The following SLC35E1 variants were observed in gnomAD, a reference collection of about 807,000 sequenced individuals.
The protein encoded by SLC35E1 is solute carrier family 35, member E1.
SLC35E1 carries 12 observed loss-of-function variants against 31.0 expected under a neutral mutation model. The observed-to-expected ratio is 0.39, with a 90% CI of 0.25 to 0.63. The LOEUF (loss-of-function observed/expected upper bound fraction) is 0.63. SLC35E1 is among the 20% of genes least tolerant of loss of function. The probability of loss-of-function intolerance (pLI) is 0.52; values close to 1 mark genes in which losing one functional copy is unlikely to be tolerated. For missense variants in SLC35E1, 429 were observed against 572.2 expected (o/e 0.75, Z 2.55); for synonymous variants, 257 against 264.1 (o/e 0.97, Z 0.26).
chr19:16,558,645 T>C (rs2085888756), intron 4 of SLC35E1, among the ~76,000 whole-genome samples: 1 of 152,156 alleles, frequency 6.6e-6, no homozygotes, highest in South Asian at 2.1e-4. Context: ...CCCAGCCATC[T>C]GTCCATTGTC....
chr19:16,570,324 G>C (rs562920245), intron 2 of SLC35E1, among the ~76,000 whole-genome samples: 25 of 152,306 alleles, frequency 1.6e-4, no homozygotes, highest in African/African-American at 5.5e-4. Flanking sequence ...AGGTCTTGCT[G>C]AGACAAAGAC....
chr19:16,566,379 G>A (rs183166318), intron 4 of SLC35E1, 153 bp downstream of exon 4: 16 of 955,822 alleles, frequency 1.7e-5, no homozygotes, highest in African/African-American at 5.0e-5. Context: ...CATCGTCACC[G>A]TGAGGCATTA....
In SLC35E1 at chr19:16,572,119, C is replaced by T. The variant is rs1217730911; in HGVS notation, c.246G>A (p.Val82=). ...GGCCCGAGACGGGCGGCGCGGGGGG[C>T]ACGCGCCAGGCGCGCAGCAGCGGCG... ...GLPPLLRAWR[V]PPAPPVSGPG... is the part of the protein sequence containing the mutation. The change falls in exon 1 of 6, where the codon GTG becomes GTA. Residue 82 remains valine, a synonymous_variant. Transcript: ENST00000595753. The surrounding 1 kb of genome is among the most constrained non-coding windows in gnomAD (Gnocchi z 4.1). 6 of 1,511,548 alleles carry T rather than the reference C, an allele frequency of 4.0e-6. No homozygotes were observed. The highest frequency in any genetic ancestry group is 2.5e-5 in the South Asian group (2 of 80,292). The allele number at this position is 1,511,548 out of a possible 1,614,324, so 93.6% of individuals were successfully genotyped here. A position where few individuals can be genotyped will look rare whatever the true frequency, so the allele number is the denominator to read the frequency against.
At chr19:16,558,917 G>A (rs1005082850) in intron 4 of SLC35E1, among the ~76,000 whole-genome samples, 17 of 151,300 alleles carry the variant, frequency 1.1e-4, no homozygotes, top group African/African-American at 3.2e-4. Context: ...TTACAGGCAC[G>A]TGCCACCACG....
chr19:16,566,494 C>G (rs771743243), intron 4 of SLC35E1, 38 bp downstream of exon 4: 1 of 1,610,600 alleles, frequency 6.2e-7, no homozygotes, highest in Non-Finnish European at 8.5e-7. Flanking sequence ...CTGGAACTAG[C>G]CAAGAAAATG....
At position 16,552,121 on chromosome 19, in the gene SLC35E1, C is replaced by T. The variant is rs894616215; in HGVS notation, c.*1558G>A. ...AGTGTTCGCTCCTCGTCCCCTTACC[C>T]AGAACATGATTCAGATCCTAACATA... On this transcript the variant is annotated 3_prime_UTR_variant, in exon 6 of 6. Coordinates refer to ENST00000595753, the MANE Select transcript of SLC35E1 (RefSeq NM_024881.5). The T allele has an allele frequency of 3.9e-5, 6 of 152,110 alleles. No homozygotes were observed. The highest frequency in any genetic ancestry group is 1.4e-4 in the African/African-American group (6 of 41,400). The allele number at this position is 152,110 out of a possible 1,614,324, so 9.4% of individuals were successfully genotyped here.
At chr19:16,559,463 T>TACACACACACACACAC (rs61643316) in intron 4 of SLC35E1, among the ~76,000 whole-genome samples, 3,703 of 142,342 alleles carry the variant, frequency 0.026, 71 homozygotes, top group African/African-American at 0.038. Context: ...CTACAAAAAA[T>TACACACACACACACAC]ACACACACAC....
rs1406632521 is a variant in SLC35E1, at chr19:16,550,268, G to A, written c.*3411C>T. 6.6e-6 allele frequency: 1 copy of A among 152,252 alleles called. No individual in the cohort carries two copies. The highest frequency in any genetic ancestry group is 1.5e-5 in the Non-Finnish European group (1 of 68,052). The allele number at this position is 152,252 out of a possible 1,614,324, so 9.4% of individuals were successfully genotyped here. A position where few individuals can be genotyped will look rare whatever the true frequency, so the allele number is the denominator to read the frequency against. ...TTCTATAAAATGAAGGAGCTGGGTT[G>A]GAGTCAGTATTACCAGCCAGACCAT... On this transcript the variant is annotated 3_prime_UTR_variant, in exon 6 of 6. Coordinates refer to ENST00000595753, the MANE Select transcript of SLC35E1 (RefSeq NM_024881.5).
intron 1 of SLC35E1, 138 bp downstream of exon 1, chr19:16,571,806 C>T: frequency 9.9e-7 from 1 of 1,006,610 alleles, no homozygotes; most frequent in Non-Finnish European, 1.4e-6. Flanking sequence ...GTGTCCCTCC[C>T]CTACCAAACC....
At chr19:16,566,974 A>T (rs2085935477) in intron 3 of SLC35E1, among the ~76,000 whole-genome samples, 1 of 152,268 alleles carries the variant, frequency 6.6e-6, no homozygotes, top group Non-Finnish European at 1.5e-5. Context: ...AAATACGACC[A>T]GACAAACCAT....
chr19:16,558,356 A>G lies in SLC35E1; in HGVS notation c.757-2959T>C, dbSNP rs2085886904. Among the ~76,000 whole-genome samples the G allele has an allele frequency of 2.0e-5, 3 of 148,736 alleles. No individual in the cohort carries two copies. In the South Asian group the frequency reaches 6.4e-4, roughly 32 times the overall value. On this transcript the variant is annotated intron_variant, in intron 4 of 5. Coordinates refer to ENST00000595753, the MANE Select transcript of SLC35E1 (RefSeq NM_024881.5). ...ACCACACCCGGCCTATTTTTTCTTG[A>G]GACGGAGTCTCACTCTGTCACCCAG...
At position 16,571,911 on chromosome 19, in the gene SLC35E1, G is replaced by A. The variant is rs535014968; in HGVS notation, c.421+33C>T. The A allele has an allele frequency of 8.3e-4, 1,273 of 1,525,910 alleles. 18 individuals carry two copies. In the Middle Eastern group the frequency reaches 0.012, roughly 15 times the overall value. The allele number at this position is 1,525,910 out of a possible 1,614,324, so 94.5% of individuals were successfully genotyped here. A position where few individuals can be genotyped will look rare whatever the true frequency, so the allele number is the denominator to read the frequency against. On this transcript the variant is annotated intron_variant, in intron 1 of 5. Coordinates refer to ENST00000595753, the MANE Select transcript of SLC35E1 (RefSeq NM_024881.5). ...GCCCAAACCCGAAGCGGCGGGCCCG[G>A]CCGCCGCCCCCGAGGCCGGGCGCGG... is the stretch of plus-strand genomic sequence containing the variant.
Position 16,572,094 on chromosome 19 carries a change from G to A in SLC35E1, c.271C>T (p.Pro91Ser), listed in dbSNP as rs1045679673. 5 of 1,517,560 alleles carry A rather than the reference G, an allele frequency of 3.3e-6. No homozygotes were observed. The African/African-American group carries it at 5.8e-5, about 18-fold the overall frequency. 94.0% of individuals were successfully genotyped at this position (1,517,560 alleles called of 1,614,324 possible). A position where few individuals can be genotyped will look rare whatever the true frequency, so the allele number is the denominator to read the frequency against. ...GACGACGGATGCGGACTGGGTCCGG[G>A]GCCCGAGACGGGCGGCGCGGGGGGC... ...RVPPAPPVSG[P>S]GPSPHPSSGP... The change falls in exon 1 of 6, where the codon CCC becomes TCC. Residue 91 changes from proline to serine, a missense_variant. By Grantham distance (74) the Pro-to-Ser change is moderately conservative. Transcript: ENST00000595753. The surrounding 1 kb of genome is among the most constrained non-coding windows in gnomAD (Gnocchi z 4.1).
rs2085856086 is a variant in SLC35E1 at position 16,553,447 on chromosome 19, A to G, written c.*232T>C. On this transcript the variant is annotated 3_prime_UTR_variant, in exon 6 of 6. Transcript: ENST00000595753. Reference sequence around the variant, plus strand: ...CAGATGACAGACTCCAGGAAGAAAGAGCATGAGACACTGGTCTCTGTTTAG... The same window carrying G: ...CAGATGACAGACTCCAGGAAGAAAGGGCATGAGACACTGGTCTCTGTTTAG... 1.1e-5 allele frequency: 4 copies of G among 365,072 alleles called. No homozygotes were observed. In the Admixed American group the frequency reaches 1.4e-4, roughly 12 times the overall value. The allele number at this position is 365,072 out of a possible 1,614,324, so 22.6% of individuals were successfully genotyped here.
At chr19:16,562,624 A>ATTT (rs575488660) in intron 4 of SLC35E1, among the ~76,000 whole-genome samples, 668 of 21,984 alleles carry the variant, frequency 0.03, 3 homozygotes, top group African/African-American at 0.22. Context: ...TTATTATAGT[A>ATTT]TTTTGTTTTT....
At chr19:16,554,522 T>G (rs2085864696) in intron 5 of SLC35E1, among the ~76,000 whole-genome samples, 1 of 151,836 alleles carries the variant, frequency 6.6e-6, no homozygotes, top group East Asian at 1.9e-4. Flanking sequence ...CTACATGTGT[T>G]AAGAAACAAA....
Position 16,571,650 on chromosome 19 carries a change from C to A in SLC35E1, c.422-68G>T. On this transcript the variant is annotated intron_variant, in intron 1 of 5. Coordinates refer to ENST00000595753, the MANE Select transcript of SLC35E1 (RefSeq NM_024881.5). ...CAGGGCCCAACCTGTTCCACCTCCA[C>A]GGCGGGATGGGAGGGCCTGGCAGCC... is the stretch of plus-strand genomic sequence containing the variant. 3 of 1,553,876 alleles carry A rather than the reference C, an allele frequency of 1.9e-6. No homozygotes were observed. In the South Asian group the frequency reaches 3.3e-5, roughly 17 times the overall value.
At chr19:16,567,122 C>T (rs2085936220) in intron 3 of SLC35E1, among the ~76,000 whole-genome samples, 1 of 152,086 alleles carries the variant, frequency 6.6e-6, no homozygotes, top group African/African-American at 2.4e-5. Flanking sequence ...GTGGTATTTC[C>T]AATAGAGAGA....
In SLC35E1 at chr19:16,553,674, G is replaced by T. The variant is rs1282004417; in HGVS notation, c.*5C>A. ...CACCAACAGTCTGGTCCTGTCCTTT[G>T]GACTCTACACATCATAGCGGTTCAA... is the stretch of plus-strand genomic sequence containing the variant. On this transcript the variant is annotated 3_prime_UTR_variant, in exon 6 of 6. Transcript: ENST00000595753. The T allele has an allele frequency of 5.9e-6, 9 of 1,519,672 alleles. No homozygotes were observed. The highest frequency in any genetic ancestry group is 6.2e-6 in the Non-Finnish European group (7 of 1,126,528). 94.1% of individuals were successfully genotyped at this position (1,519,672 alleles called of 1,614,324 possible). A position where few individuals can be genotyped will look rare whatever the true frequency, so the allele number is the denominator to read the frequency against.
Sources: gnomAD v4.1 joint callset for allele counts (sites outside exome capture counted in the v4.1 genomes callset) on GRCh38, gnomAD v4.1.1 for gene constraint, Gnocchi (gnomAD v3.1) non-coding constraint, MANE v1.5 for transcripts, NCBI Gene and HGNC (gene_info 2026-07-23, HGNC 2026-07-21) for gene names.